The following KCTD16 variants were observed in gnomAD, a reference collection of about 807,000 sequenced individuals.
The protein encoded by KCTD16 is BTB/POZ domain-containing protein KCTD16.
A neutral mutation model predicts 33.2 loss-of-function variants in KCTD16; 13 were observed. The observed-to-expected ratio is 0.39, with a 90% CI of 0.25 to 0.62. The LOEUF is 0.62. Among genes scored for constraint, KCTD16 ranks in the 20% least tolerant of loss-of-function variants. The pLI, the probability that KCTD16 is intolerant of heterozygous loss-of-function variation, is 0.50. For missense variants in KCTD16, 441 were observed against 525.1 expected (o/e 0.84, Z 1.57); for synonymous variants, 197 against 195.3 (o/e 1.01, Z -0.07).
chr5:144,457,586 A>G (rs1754096438), intron 3 of KCTD16, among the ~76,000 whole-genome samples: 1 of 152,202 alleles, frequency 6.6e-6, no homozygotes, highest in African/African-American at 2.4e-5. Flanking sequence ...GATTAAGGAG[A>G]GAATCAAATA....
At chr5:144,446,133 T>G (rs1427213945) in intron 3 of KCTD16, among the ~76,000 whole-genome samples, 1 of 151,970 alleles carries the variant, frequency 6.6e-6, no homozygotes, top group African/African-American at 2.4e-5. Flanking sequence ...TGTCAGCTAA[T>G]TGTGTCATAT....
chr5:144,173,144 G>T (rs1355004123), intron 1 of KCTD16, among the ~76,000 whole-genome samples: 1 of 152,130 alleles, frequency 6.6e-6, no homozygotes, highest in East Asian at 1.9e-4. Flanking sequence ...CACCCAAAAG[G>T]ATATAAATCA....
intron 3 of KCTD16, among the ~76,000 whole-genome samples, chr5:144,307,104 A>G (rs1751621753): frequency 6.6e-6 from 1 of 152,114 alleles, no homozygotes; most frequent in Admixed American, 6.6e-5. Flanking sequence ...CCAGCTTCAC[A>G]GGTCTTCTTG....
rs151321266 is a variant in KCTD16 at position 144,349,048 on chromosome 5, C to T, written c.833-124612C>T. Among the ~76,000 whole-genome samples the T allele has an allele frequency of 1.3e-3, 198 of 152,246 alleles. 1 individual carries two copies. The highest frequency in any genetic ancestry group is 2.4e-3 in the Non-Finnish European group (164 of 68,030). ...TGTGACTGCTCTTTCTTGTCCACAT[C>T]GGGAGCCTCTGGTTCACAGGAAGAG... On this transcript the variant is annotated intron_variant, in intron 3 of 3. Coordinates refer to ENST00000512467, the MANE Select transcript of KCTD16 (RefSeq NM_020768.4).
chr5:144,472,484 A>C (rs1754499458), intron 3 of KCTD16, among the ~76,000 whole-genome samples: 1 of 152,234 alleles, frequency 6.6e-6, no homozygotes, highest in Non-Finnish European at 1.5e-5. Context: ...ACTCAGAGGA[A>C]AGGGAGAAGA....
intron 3 of KCTD16, among the ~76,000 whole-genome samples, chr5:144,268,380 C>T (rs983805592): frequency 2.6e-5 from 4 of 152,182 alleles, no homozygotes; most frequent in Non-Finnish European, 5.9e-5. Flanking sequence ...AGGGCTAGAG[C>T]ACCCTTTTTT....
chr5:144,254,732 T>C (rs1253038570), intron 3 of KCTD16, among the ~76,000 whole-genome samples: 1 of 152,158 alleles, frequency 6.6e-6, no homozygotes, highest in Non-Finnish European at 1.5e-5. Context: ...ACCTTGAGTG[T>C]TTTACATACC....
At chr5:144,420,800 A>G (rs554630215) in intron 3 of KCTD16, among the ~76,000 whole-genome samples, 1 of 152,270 alleles carries the variant, frequency 6.6e-6, no homozygotes, top group African/African-American at 2.4e-5. Flanking sequence ...TGGGAAACCT[A>G]TCAAAGGAGA....
At chr5:144,273,587 G>A (rs1290054883) in intron 3 of KCTD16, among the ~76,000 whole-genome samples, 3 of 152,082 alleles carry the variant, frequency 2.0e-5, no homozygotes, top group Admixed American at 1.3e-4. Context: ...TTTGACAGAT[G>A]AATAGATAAG....
chr5:144,339,651 TA>T (rs1324762656), intron 3 of KCTD16, among the ~76,000 whole-genome samples: 1 of 152,216 alleles, frequency 6.6e-6, no homozygotes, highest in Non-Finnish European at 1.5e-5. Context: ...AGGAATTGAA[TA>T]AATACAGGAT....
chr5:144,473,867 A>G lies in KCTD16; in HGVS notation c.1040A>G (p.Lys347Arg), dbSNP rs370037481. 3 of 1,613,998 alleles carry G rather than the reference A, an allele frequency of 1.9e-6. No individual in the cohort carries two copies. Among genetic ancestry groups the G allele is most frequent in the Non-Finnish European group, 2.5e-6 (3 of 1,180,014 alleles). ...TNIQTLDRPI[K>R]KGPVQLIQQS... ...ATCCAGACTCTGGACCGTCCCATCA[A>G]GAAGGGCCCTGTCCAGCTGATCCAA... The change falls in exon 4 of 4, where the codon AAG becomes AGG. Residue 347 changes from lysine to arginine, a missense_variant. Lys to Arg is a conservative substitution (Grantham distance 26). Transcript: ENST00000512467.
At chr5:144,388,979 A>T (rs1752392309) in intron 3 of KCTD16, among the ~76,000 whole-genome samples, 1 of 152,210 alleles carries the variant, frequency 6.6e-6, no homozygotes, top group South Asian at 2.1e-4. Context: ...GGGTGATGTT[A>T]TGTGGGTGTT....
At chr5:144,416,319 G>T (rs1405176887) in intron 3 of KCTD16, among the ~76,000 whole-genome samples, 3 of 152,160 alleles carry the variant, frequency 2.0e-5, no homozygotes, top group Non-Finnish European at 4.4e-5. Flanking sequence ...TTTTGTTAAG[G>T]TGAGTTGTTA....
At chr5:144,405,854 TGTGA>T (rs1752799451) in intron 3 of KCTD16, among the ~76,000 whole-genome samples, 1 of 152,198 alleles carries the variant, frequency 6.6e-6, no homozygotes, top group South Asian at 2.1e-4. Context: ...CTGGGCAGGC[TGTGA>T]GTTTTATCTT....
rs1481847544 is a variant in KCTD16, at chr5:144,264,297, A to G, written c.832+56751A>G. 3.9e-5 allele frequency among the ~76,000 whole-genome samples: 6 copies of G among 152,338 alleles called. No homozygotes were observed. In the East Asian group the frequency reaches 7.7e-4, roughly 20 times the overall value. ...ATAAACATGAGAATTTAAATCACAC[A>G]GTATTATAATTCAGGGACAAACACA... is the stretch of plus-strand genomic sequence containing the variant. On this transcript the variant is annotated intron_variant, in intron 3 of 3. Coordinates refer to ENST00000512467, the MANE Select transcript of KCTD16 (RefSeq NM_020768.4).
chr5:144,203,413 A>C (rs1282717002), intron 2 of KCTD16, among the ~76,000 whole-genome samples: 1 of 152,138 alleles, frequency 6.6e-6, no homozygotes, highest in Admixed American at 6.5e-5. Flanking sequence ...CTATTCAAGA[A>C]TATCTAAGGT....
At chr5:144,206,356 T>C (rs1363045445) in intron 2 of KCTD16, 33 bp from the exon 3 acceptor site, 1 of 186,902 alleles carries the variant, frequency 5.4e-6, no homozygotes, top group Non-Finnish European at 1.1e-5. Context: ...TCATTCCAGG[T>C]TTGAGGAAAT....
In KCTD16 at chr5:144,477,940, A is replaced by G. The variant is rs1410225599; in HGVS notation, c.*3826A>G. ...AAGAATTCTTTGTCACCTCCACCTG[A>G]CATACCAATTTTCAAAAGAAAAACG... On this transcript the variant is annotated 3_prime_UTR_variant, in exon 4 of 4. Transcript: ENST00000512467. 6.6e-6 allele frequency: 1 copy of G among 152,042 alleles called. No individual in the cohort carries two copies. The highest frequency in any genetic ancestry group is 1.5e-5 in the Non-Finnish European group (1 of 67,978). The allele number at this position is 152,042 out of a possible 1,614,324, so 9.4% of individuals were successfully genotyped here.
chr5:144,223,949 T>A (rs935108852), intron 3 of KCTD16, among the ~76,000 whole-genome samples: 1 of 152,032 alleles, frequency 6.6e-6, no homozygotes, highest in African/African-American at 2.4e-5. Flanking sequence ...GTAGGTGTTT[T>A]TTTTTAAAAA....
Sources: allele counts gnomAD v4.1 joint callset (sites outside exome capture counted in the v4.1 genomes callset), GRCh38; gene constraint gnomAD v4.1.1; transcripts MANE v1.5; gene names NCBI Gene and HGNC (gene_info 2026-07-23, HGNC 2026-07-21).